TMC1: variants seen among roughly 807,000 people sequenced by gnomAD.
TMC1 encodes the protein transmembrane channel like 1.
A neutral mutation model predicts 105.8 loss-of-function variants in TMC1; 84 were observed. The ratio of observed to expected loss-of-function variants is 0.79; its 90% CI spans 0.67 to 0.95. TMC1 has a LOEUF of 0.95. Ranked by LOEUF, TMC1 falls within the 40% of genes least tolerant of loss-of-function variation. The pLI, the probability that TMC1 is intolerant of heterozygous loss-of-function variation, is 0.00. For missense variants in TMC1, 817 were observed against 914.1 expected (o/e 0.89, Z 1.37); for synonymous variants, 315 against 311.5 (o/e 1.01, Z -0.12).
At chr9:72,800,519 T>C (rs1337877673) in intron 17 of TMC1, among the ~76,000 whole-genome samples, 1 of 152,144 alleles carries the variant, frequency 6.6e-6, no homozygotes, top group Non-Finnish European at 1.5e-5. Flanking sequence ...GAATGCAATC[T>C]AGGAGAATAT....
At chr9:72,522,736 A>G (rs1175955616) in intron 1 of TMC1, among the ~76,000 whole-genome samples, 2 of 152,194 alleles carry the variant, frequency 1.3e-5, no homozygotes, top group Non-Finnish European at 2.9e-5. Flanking sequence ...TTCAAATGTA[A>G]TATTAAAACT....
At chr9:72,619,882 T>G in intron 3 of TMC1, among the ~76,000 whole-genome samples, 1 of 152,102 alleles carries the variant, frequency 6.6e-6, no homozygotes, top group East Asian at 1.9e-4. Flanking sequence ...GTCACCAGGC[T>G]GGAGTGCAGT....
chr9:72,669,871 A>G (rs1826102092), intron 5 of TMC1, among the ~76,000 whole-genome samples: 1 of 152,196 alleles, frequency 6.6e-6, no homozygotes, highest in Non-Finnish European at 1.5e-5. Context: ...AAGACATTAT[A>G]CCTCAGACAA....
intron 12 of TMC1, among the ~76,000 whole-genome samples, chr9:72,760,297 T>A (rs1827736379): frequency 6.6e-6 from 1 of 152,184 alleles, no homozygotes; most frequent in South Asian, 2.1e-4. Context: ...CACTCTGTAT[T>A]GTCAGATGAT....
chr9:72,665,898 C>G (rs1158124586), intron 5 of TMC1, among the ~76,000 whole-genome samples: 2 of 152,170 alleles, frequency 1.3e-5, no homozygotes, highest in Admixed American at 6.5e-5. Context: ...TTTGCTTTCT[C>G]CATGAAGAAG....
chr9:72,626,165 C>G (rs907545098), intron 3 of TMC1, among the ~76,000 whole-genome samples: 21 of 152,200 alleles, frequency 1.4e-4, no homozygotes, highest in Admixed American at 3.9e-4. Context: ...CAGTCACTGT[C>G]TGACCACAAC....
At chr9:72,809,871 C>G (rs575073833) in intron 18 of TMC1, among the ~76,000 whole-genome samples, 1 of 152,248 alleles carries the variant, frequency 6.6e-6, no homozygotes, top group African/African-American at 2.4e-5. Flanking sequence ...CTTCACCACT[C>G]TTTTCTCTTA....
chr9:72,812,842 G>A (rs548019852), intron 18 of TMC1, among the ~76,000 whole-genome samples: 3 of 152,344 alleles, frequency 2.0e-5, no homozygotes, highest in African/African-American at 7.2e-5. Flanking sequence ...TCCACAGGTT[G>A]GCAATCTGCC....
At chr9:72,810,710 C>T (rs528776803) in intron 18 of TMC1, among the ~76,000 whole-genome samples, 2 of 152,252 alleles carry the variant, frequency 1.3e-5, no homozygotes, top group South Asian at 4.1e-4. Flanking sequence ...TGTTTTGTAA[C>T]ATACCTTTTA....
intron 2 of TMC1, among the ~76,000 whole-genome samples, chr9:72,586,001 A>G (rs1039663424): frequency 1.3e-5 from 2 of 152,100 alleles, no homozygotes; most frequent in Admixed American, 1.3e-4. Context: ...CCTGGGGGAG[A>G]TTTCACAACC....
chr9:72,722,266 C>T (rs1416023725), intron 8 of TMC1, among the ~76,000 whole-genome samples: 2 of 152,134 alleles, frequency 1.3e-5, no homozygotes, highest in African/African-American at 4.8e-5. Context: ...GTCTCTAAAA[C>T]CTCAGGCTTT....
intron 1 of TMC1, among the ~76,000 whole-genome samples, chr9:72,555,340 C>T (rs1485291847): frequency 2.0e-5 from 3 of 151,848 alleles, no homozygotes; most frequent in East Asian, 1.9e-4. Context: ...GGACTACCAC[C>T]GTGCCTAGCT....
chr9:72,632,989 A>G (rs973332037), intron 4 of TMC1, among the ~76,000 whole-genome samples: 9 of 151,938 alleles, frequency 5.9e-5, no homozygotes, highest in Non-Finnish European at 1.0e-4. Context: ...GAAGCTCTCT[A>G]ACATAGACAC....
chr9:72,592,001 G>T (rs1824646557), intron 2 of TMC1, among the ~76,000 whole-genome samples: 1 of 152,128 alleles, frequency 6.6e-6, no homozygotes, highest in Non-Finnish European at 1.5e-5. Flanking sequence ...GCATCTAGTG[G>T]GTAGTGGTCA....
At chr9:72,612,320 A>G (rs1353328891) in intron 2 of TMC1, among the ~76,000 whole-genome samples, 2 of 151,960 alleles carry the variant, frequency 1.3e-5, no homozygotes, top group East Asian at 3.9e-4. Context: ...ACAGGTGTGC[A>G]CCACCATGCC....
intron 17 of TMC1, among the ~76,000 whole-genome samples, chr9:72,802,610 C>T (rs1391998256): frequency 6.6e-6 from 1 of 151,998 alleles, no homozygotes; most frequent in Non-Finnish European, 1.5e-5. Context: ...GGAATGAAGG[C>T]AGAAATCAAG....
At chr9:72,708,238 G>T (rs1474406771) in intron 8 of TMC1, among the ~76,000 whole-genome samples, 1 of 152,040 alleles carries the variant, frequency 6.6e-6, no homozygotes, top group Non-Finnish European at 1.5e-5. Flanking sequence ...TCTTGATTTG[G>T]CTATGTGGCC....
At chr9:72,594,535 C>A (rs149785863) in intron 2 of TMC1, among the ~76,000 whole-genome samples, 8 of 152,264 alleles carry the variant, frequency 5.3e-5, no homozygotes, top group African/African-American at 1.9e-4. Context: ...TCTCAGGTGA[C>A]TTTAGCTCAA....
intron 1 of TMC1, among the ~76,000 whole-genome samples, chr9:72,544,478 C>CTTTTTT (rs71493656): frequency 4.0e-5 from 5 of 125,238 alleles, no homozygotes; most frequent in African/African-American, 1.6e-4. Context: ...GATTTTTTAA[C>CTTTTTT]TTTTTTTTTT....
Sources: gnomAD v4.1 joint callset for allele counts (sites outside exome capture counted in the v4.1 genomes callset) on GRCh38, gnomAD v4.1.1 for gene constraint, MANE v1.5 for transcripts, NCBI Gene and HGNC (gene_info 2026-07-23, HGNC 2026-07-21) for gene names.